MAT2A: variants seen among roughly 807,000 people sequenced by gnomAD.
The protein encoded by MAT2A is methionine adenosyltransferase 2A.
A neutral mutation model predicts 43.9 loss-of-function variants in MAT2A; 3 were observed. The observed-to-expected ratio is 0.07, with a 90% CI of 0.03 to 0.18. The LOEUF (loss-of-function observed/expected upper bound fraction) is 0.18, where lower values mean the gene tolerates loss of function less well. Among genes scored for constraint, MAT2A ranks in the 10% least tolerant of loss-of-function variants. The pLI is 1.00. For synonymous variants in MAT2A, 200 were observed against 168.4 expected, an observed-to-expected ratio of 1.19 and a Z score of -1.45; for missense variants, 204 against 489.0, an observed-to-expected ratio of 0.42 and a Z score of 5.50.
In MAT2A at chr2:85,539,230, GC is replaced by G. The variant is rs1691384916; in HGVS notation, c.-56del. Reference sequence around the variant, plus strand: ...CTGTCCGCAGCTTGCGCATTTCGCAGCCGCTGCCGCCTCGCCGCTGCTCCTT... The same window carrying G: ...CTGTCCGCAGCTTGCGCATTTCGCAGCGCTGCCGCCTCGCCGCTGCTCCTT... On this transcript the variant is annotated 5_prime_UTR_variant, in exon 1 of 9. Transcript: ENST00000306434. The G allele has an allele frequency of 7.7e-7, 1 of 1,292,470 alleles. No individual in the cohort carries two copies. Among genetic ancestry groups the G allele is most frequent in the African/African-American group, 1.5e-5 (1 of 66,468 alleles). The allele number at this position is 1,292,470 out of a possible 1,614,324, so 80.1% of individuals were successfully genotyped here.
At position 85,542,158 on chromosome 2, in the gene MAT2A, A is replaced by G; in HGVS notation, c.553A>G (p.Thr185Ala). The G allele has an allele frequency of 1.2e-6, 2 of 1,613,526 alleles. No individual in the cohort carries two copies. Among genetic ancestry groups the G allele is most frequent in the Non-Finnish European group, 1.7e-6 (2 of 1,179,448 alleles). ...GATGACCTGTGTTGCCTTCAAGGTT[A>G]CTGTGCAGTATATGCAGGATCGAGG... Reference protein sequence around the residue: ...WLRPDSKTQVTVQYMQDRGAV... With the variant: ...WLRPDSKTQVAVQYMQDRGAV... Residue 185 changes from threonine (T) to alanine (A), a missense_variant, in exon 6 of 9, where the codon ACT becomes GCT. Physicochemically the swap from Thr to Ala is moderately conservative, Grantham distance 58. Around this residue, in one of 6 missense-constraint regions of MAT2A, gnomAD observed 103 missense variants for 226.4 expected, o/e 0.45. Coordinates refer to ENST00000306434, the MANE Select transcript of MAT2A (RefSeq NM_005911.6).
At chr2:85,542,801 T>G in intron 7 of MAT2A, 54 bp downstream of exon 7, 1 of 1,535,318 alleles carries the variant, frequency 6.5e-7, no homozygotes, top group Non-Finnish European at 8.9e-7. Flanking sequence ...GGGAGGGTAT[T>G]TAGTAGTAAT....
Position 85,544,135 on chromosome 2 carries a change from C to T in MAT2A, c.*363C>T, listed in dbSNP as rs983754653. On this transcript the variant is annotated 3_prime_UTR_variant, in exon 9 of 9. Transcript: ENST00000306434. ...TTTCCCCACCAGATGCTGAAAATGTCCTTGTGATGTGCACGTAAAGTACTT... is the reference window on the plus strand; with the variant it reads ...TTTCCCCACCAGATGCTGAAAATGTTCTTGTGATGTGCACGTAAAGTACTT... The T allele has an allele frequency of 5.9e-6, 1 of 170,554 alleles. No homozygotes were observed. The highest frequency in any genetic ancestry group is 2.4e-5 in the African/African-American group (1 of 41,908). 10.6% of individuals were successfully genotyped at this position (170,554 alleles called of 1,614,324 possible). A position where few individuals can be genotyped will look rare whatever the true frequency, so the allele number is the denominator to read the frequency against.
At position 85,539,267 on chromosome 2, in the gene MAT2A, C is replaced by CACGG; in HGVS notation, c.-21_-20insACGG. On this transcript the variant is annotated 5_prime_UTR_variant, in exon 1 of 9. Coordinates refer to ENST00000306434, the MANE Select transcript of MAT2A (RefSeq NM_005911.6). ...TCGCCGCTGCTCCTTCGTAAGGCCA[C>CACGG]TTCCGCACACCGACACCAACATGAA... 1 of 1,590,258 alleles carries CACGG rather than the reference C, an allele frequency of 6.3e-7. No individual in the cohort carries two copies. The highest frequency in any genetic ancestry group is 8.6e-7 in the Non-Finnish European group (1 of 1,165,160).
Position 85,542,764 on chromosome 2 carries a change from TAACG to T in MAT2A, c.951+23_951+26del, listed in dbSNP as rs1691508017. Reference sequence around the variant, plus strand: ...CTTGTTCAGGTATACACTCTTTATATAACGAACGATTAAAAGTCATGTAAGTGGG... The same window carrying T: ...CTTGTTCAGGTATACACTCTTTATATAACGATTAAAAGTCATGTAAGTGGG... On this transcript the variant is annotated intron_variant, in intron 7 of 8. Coordinates refer to ENST00000306434, the MANE Select transcript of MAT2A (RefSeq NM_005911.6). 17 of 1,589,444 alleles carry T rather than the reference TAACG, an allele frequency of 1.1e-5. No individual in the cohort carries two copies. Among genetic ancestry groups the T allele is most frequent in the Non-Finnish European group, 1.5e-5 (17 of 1,163,588 alleles).
At position 85,541,509 on chromosome 2, in the gene MAT2A, C is replaced by T. The variant is rs1691476916; in HGVS notation, c.293-124C>T. The T allele has an allele frequency of 3.0e-6, 4 of 1,323,222 alleles. No individual in the cohort carries two copies. In the East Asian group the frequency reaches 9.3e-5, roughly 31 times the overall value. 82.0% of individuals were successfully genotyped at this position (1,323,222 alleles called of 1,614,324 possible). On this transcript the variant is annotated intron_variant, in intron 3 of 8. Coordinates refer to ENST00000306434, the MANE Select transcript of MAT2A (RefSeq NM_005911.6). Reference sequence around the variant, plus strand: ...TACACTAAGCCCTATTCTGTTCATTCTCTAAAAGGTCCGATGGTTTAGGTA... The same window carrying T: ...TACACTAAGCCCTATTCTGTTCATTTTCTAAAAGGTCCGATGGTTTAGGTA...
intron 1 of MAT2A, among the ~76,000 whole-genome samples, chr2:85,540,297 C>T (rs1691439746): frequency 1.3e-5 from 2 of 152,158 alleles, no homozygotes; most frequent in South Asian, 4.1e-4. Context: ...CTTAGGATGA[C>T]CGCAGTAGTT....
chr2:85,539,442 C>T (rs2103912260), intron 1 of MAT2A, 64 bp downstream of exon 1: 4 of 1,350,732 alleles, frequency 3.0e-6, no homozygotes, highest in South Asian at 2.6e-5. Flanking sequence ...GTCCGGCTGG[C>T]TGCGGCCGGC....
intron 1 of MAT2A, 199 bp downstream of exon 1, chr2:85,539,577 T>A: frequency 2.2e-6 from 1 of 464,960 alleles, no homozygotes; most frequent in South Asian, 3.2e-5. Context: ...CCCTCCCCTC[T>A]CCACCCTTCC....
At chr2:85,541,019 GCATA>G (rs139384269) in intron 1 of MAT2A, 60 bp from the exon 2 acceptor site, 46 of 1,033,280 alleles carry the variant, frequency 4.5e-5, no homozygotes, top group Middle Eastern at 4.1e-4. Flanking sequence ...GAGGGAGCTT[GCATA>G]CATACATACA....
rs142372744 is a variant in MAT2A at position 85,544,048 on chromosome 2, T to C, written c.*276T>C. The C allele has an allele frequency of 1.2e-4, 31 of 253,786 alleles. No homozygotes were observed. Among genetic ancestry groups the C allele is most frequent in the African/African-American group, 6.9e-4 (31 of 44,810 alleles). The allele number at this position is 253,786 out of a possible 1,614,324, so 15.7% of individuals were successfully genotyped here. Reference sequence around the variant, plus strand: ...CTAGAAACAACACTGTAGTAAATAATGCTTTGAAATTGAACCTTTGTGCCC... The same window carrying C: ...CTAGAAACAACACTGTAGTAAATAACGCTTTGAAATTGAACCTTTGTGCCC... On this transcript the variant is annotated 3_prime_UTR_variant, in exon 9 of 9. Transcript: ENST00000306434.
Position 85,544,202 on chromosome 2 carries a change from T to C in MAT2A, c.*430T>C, listed in dbSNP as rs1203210023. 1 of 154,848 alleles carries C rather than the reference T, an allele frequency of 6.5e-6. No homozygotes were observed. Among genetic ancestry groups the C allele is most frequent in the Non-Finnish European group, 1.4e-5 (1 of 69,578 alleles). The allele number at this position is 154,848 out of a possible 1,614,324, so 9.6% of individuals were successfully genotyped here. A position where few individuals can be genotyped will look rare whatever the true frequency, so the allele number is the denominator to read the frequency against. ...CCTCTGTCTGGCAATGCCACAGCCC[T>C]GTCAGCATGAATTTGTAATGTCTTG... On this transcript the variant is annotated 3_prime_UTR_variant, in exon 9 of 9. Transcript: ENST00000306434.
chr2:85,543,609 GA>G (rs1691534146), intron 8 of MAT2A, 60 bp from the exon 9 acceptor site: 1 of 1,033,048 alleles, frequency 9.7e-7, no homozygotes, highest in Non-Finnish European at 1.5e-6. Flanking sequence ...GAGTCTTGCT[GA>G]TTGTTTTGCT....
At chr2:85,540,285 C>T (rs1424649830) in intron 1 of MAT2A, among the ~76,000 whole-genome samples, 1 of 152,156 alleles carries the variant, frequency 6.6e-6, no homozygotes. Context: ...GCTGTTTCTG[C>T]CCTTAGGATG....
At chr2:85,543,401 T>G (rs1283319742) in intron 8 of MAT2A, 1 of 436,938 alleles carries the variant, frequency 2.3e-6, no homozygotes, top group East Asian at 3.9e-5. Flanking sequence ...TTGTGTGATC[T>G]CAGGTGAGCT....
chr2:85,539,497 GA>G lies in MAT2A; in HGVS notation c.91+121del, dbSNP rs1166425175. The stretch of plus-strand genomic sequence containing the variant: ...GGTCGTCCTCGTCCGCCGGGTGATG[GA>G]AGAGCGGCGACCGCGCGCTTTCCTC... On this transcript the variant is annotated intron_variant, in intron 1 of 8. Transcript: ENST00000306434. The G allele has an allele frequency of 1.6e-5, 11 of 690,476 alleles. No individual in the cohort carries two copies. In the East Asian group the frequency reaches 2.1e-4, roughly 13 times the overall value. The allele number at this position is 690,476 out of a possible 1,614,324, so 42.8% of individuals were successfully genotyped here.
chr2:85,541,384 T>G lies in MAT2A; in HGVS notation c.292+7T>G, dbSNP rs1691472632. ...TATGATGATTCTTCCAAAGGTGTGT[T>G]TTAATGATTTTGCTCATTTTTTTCT... On this transcript the variant is annotated splice_region_variant and intron_variant, in intron 3 of 8. Coordinates refer to ENST00000306434, the MANE Select transcript of MAT2A (RefSeq NM_005911.6). The G allele has an allele frequency of 1.2e-6, 2 of 1,607,158 alleles. No homozygotes were observed. Among genetic ancestry groups the G allele is most frequent in the African/African-American group, 1.3e-5 (1 of 74,636 alleles).
In MAT2A at chr2:85,541,899, A is replaced by T; in HGVS notation, c.476A>T (p.Lys159Met). The change falls in exon 5 of 9, where the codon AAG becomes ATG. Residue 159 changes from lysine (K) to methionine (M), a missense_variant. Around this residue, in one of 6 missense-constraint regions of MAT2A, gnomAD observed 103 missense variants for 226.4 expected, o/e 0.45. Transcript: ENST00000306434. ...CMPLTIVLAH[K>M]LNAKLAELRR... Reference sequence around the variant, plus strand: ...CCTTTAACCATTGTCTTGGCACACAAGCTAAATGCCAAACTGGCAGAACTA... The same window carrying T: ...CCTTTAACCATTGTCTTGGCACACATGCTAAATGCCAAACTGGCAGAACTA... 1 of 1,614,246 alleles carries T rather than the reference A, an allele frequency of 6.2e-7. No individual in the cohort carries two copies. Among genetic ancestry groups the T allele is most frequent in the Non-Finnish European group, 8.5e-7 (1 of 1,180,032 alleles).
At chr2:85,539,606 A>G (rs970702015) in intron 1 of MAT2A, 4 of 400,098 alleles carry the variant, frequency 1.0e-5, no homozygotes, top group African/African-American at 2.2e-5. Flanking sequence ...CTCCCTTTTC[A>G]TTCGGTCGCG....
Sources: gnomAD v4.1 joint callset for allele counts (sites outside exome capture counted in the v4.1 genomes callset) on GRCh38, gnomAD v4.1.1 for gene constraint, gnomAD v4.1.1 regional missense constraint, MANE v1.5 for transcripts, NCBI Gene and HGNC (gene_info 2026-07-23, HGNC 2026-07-21) for gene names.